Variants in ABTB3 observed in about 807,000 individuals in gnomAD.
ABTB3 encodes the protein ankyrin repeat and BTB domain containing 3.
the ABTB3 span, among the ~76,000 whole-genome samples, chr12:107,614,856 G>A: frequency 6.6e-6 from 1 of 152,140 alleles, no homozygotes; most frequent in Admixed American, 6.5e-5. Flanking sequence ...ACACAAGCAG[G>A]ACAGATCCAC....
At chr12:107,565,454 C>T in the ABTB3 span, among the ~76,000 whole-genome samples, 1 of 152,124 alleles carries the variant, frequency 6.6e-6, no homozygotes, top group Non-Finnish European at 1.5e-5. Context: ...TTTCATTTCC[C>T]CTCTGTTATT....
the ABTB3 span, among the ~76,000 whole-genome samples, chr12:107,475,306 G>A: frequency 6.6e-6 from 1 of 152,314 alleles, no homozygotes; most frequent in South Asian, 2.1e-4. Flanking sequence ...CCCCTGTGGA[G>A]TGGGAATAAT....
At chr12:107,520,748 G>A in the ABTB3 span, 44 of 1,364,346 alleles carry the variant, frequency 3.2e-5, no homozygotes, top group Middle Eastern at 2.1e-4. Flanking sequence ...TGTAATCAGC[G>A]GGGTGACACC....
the ABTB3 span, among the ~76,000 whole-genome samples, chr12:107,377,630 G>A: frequency 8.3e-3 from 1,259 of 152,276 alleles, 17 homozygotes; most frequent in African/African-American, 0.027. Context: ...TCTGAGTTGT[G>A]ATGTTTTCTG....
chr12:107,397,028 G>C, the ABTB3 span, among the ~76,000 whole-genome samples: 1 of 152,194 alleles, frequency 6.6e-6, no homozygotes. Context: ...CATTCATTTT[G>C]ATCACTACGT....
At chr12:107,620,192 C>A in the ABTB3 span, 2 of 1,609,926 alleles carry the variant, frequency 1.2e-6, no homozygotes, top group South Asian at 2.2e-5. Flanking sequence ...TTGTTGTGGT[C>A]ATCGGCAGAG....
At chr12:107,630,934 C>T in the ABTB3 span, among the ~76,000 whole-genome samples, 1 of 152,002 alleles carries the variant, frequency 6.6e-6, no homozygotes, top group Non-Finnish European at 1.5e-5. Flanking sequence ...ATTCAGAGTT[C>T]CTTAGGGTTT....
At chr12:107,460,398 T>A in the ABTB3 span, among the ~76,000 whole-genome samples, 1 of 152,266 alleles carries the variant, frequency 6.6e-6, no homozygotes, top group Admixed American at 6.5e-5. Context: ...CTCATGCCTG[T>A]AATCCCAGCA....
At chr12:107,397,550 C>T in the ABTB3 span, among the ~76,000 whole-genome samples, 2 of 151,862 alleles carry the variant, frequency 1.3e-5, no homozygotes, top group East Asian at 1.9e-4. Context: ...GTTGCAAATG[C>T]CTCTTCTGGG....
the ABTB3 span, among the ~76,000 whole-genome samples, chr12:107,608,977 A>AAATAT: frequency 8.6e-6 from 1 of 116,072 alleles, no homozygotes; most frequent in African/African-American, 3.8e-5. Flanking sequence ...ATATAAAATA[A>AAATAT]AATAAAATAA....
At chr12:107,609,738 C>T in the ABTB3 span, among the ~76,000 whole-genome samples, 2 of 152,202 alleles carry the variant, frequency 1.3e-5, no homozygotes, top group African/African-American at 4.8e-5. Context: ...AACAGGCCAG[C>T]TCTCCACACA....
At chr12:107,432,966 C>T in the ABTB3 span, among the ~76,000 whole-genome samples, 20 of 152,294 alleles carry the variant, frequency 1.3e-4, no homozygotes, top group South Asian at 2.1e-4. Flanking sequence ...TTCTTCTTCA[C>T]GGCAGGGCAG....
the ABTB3 span, among the ~76,000 whole-genome samples, chr12:107,644,461 AC>A: frequency 1.9e-4 from 29 of 152,240 alleles, no homozygotes; most frequent in South Asian, 6.0e-3. Context: ...AAGTTGGAGA[AC>A]CTGTGCTCTC....
chr12:107,493,908 A>C, the ABTB3 span, among the ~76,000 whole-genome samples: 1 of 152,288 alleles, frequency 6.6e-6, no homozygotes, highest in African/African-American at 2.4e-5. Flanking sequence ...GGAGGAGCCA[A>C]CTCTGCAACA....
chr12:107,484,356 C>T, the ABTB3 span, among the ~76,000 whole-genome samples: 1 of 152,172 alleles, frequency 6.6e-6, no homozygotes, highest in Non-Finnish European at 1.5e-5. Context: ...GGAGAGATGG[C>T]TCCAGGCAGA....
At chr12:107,528,847 GTGA>G in the ABTB3 span, among the ~76,000 whole-genome samples, 4 of 151,802 alleles carry the variant, frequency 2.6e-5, no homozygotes, top group South Asian at 2.1e-4. Flanking sequence ...GATGGTGATG[GTGA>G]TGATGATGAT....
At chr12:107,580,792 T>A in the ABTB3 span, 5 of 1,495,204 alleles carry the variant, frequency 3.3e-6, no homozygotes, top group Admixed American at 6.3e-5. Context: ...CTCCAGACCC[T>A]GCGCTTGGTG....
chr12:107,521,543 C>T, the ABTB3 span, among the ~76,000 whole-genome samples: 2 of 152,064 alleles, frequency 1.3e-5, no homozygotes, highest in African/African-American at 4.8e-5. Flanking sequence ...TGTTGATTTC[C>T]ACAATGAGAT....
At chr12:107,564,485 C>T in the ABTB3 span, among the ~76,000 whole-genome samples, 1 of 152,164 alleles carries the variant, frequency 6.6e-6, no homozygotes, top group Admixed American at 6.5e-5. Flanking sequence ...CTGCAGGGCA[C>T]GTATCACCCC....
Sources: gnomAD v4.1 joint callset for allele counts (sites outside exome capture counted in the v4.1 genomes callset) on GRCh38, gnomAD v4.1.1 for gene constraint, MANE v1.5 for transcripts, NCBI Gene and HGNC (gene_info 2026-07-23, HGNC 2026-07-21) for gene names.